Variants in GPA33 observed in about 807,000 individuals in gnomAD.
The protein encoded by GPA33 is glycoprotein A33.
A neutral mutation model predicts 35.6 loss-of-function variants in GPA33; 27 were observed. That is an observed-to-expected ratio of 0.76 (90% CI 0.56 to 1.04). GPA33 has a LOEUF of 1.04. GPA33 is among the 50% of genes least tolerant of loss of function. The pLI is 0.00. For missense variants in GPA33, 428 were observed against 411.9 expected, an observed-to-expected ratio of 1.04 and a Z score of -0.34; for synonymous variants, 176 against 164.0, an observed-to-expected ratio of 1.07 and a Z score of -0.56.
At chr1:167,063,495 G>A (rs1052485648) in intron 4 of GPA33, 87 bp downstream of exon 4, 36 of 1,236,854 alleles carry the variant, frequency 2.9e-5, no homozygotes, top group Non-Finnish European at 3.7e-5. Context: ...GGATCTGATC[G>A]GTCAACCCAA....
In GPA33 at chr1:167,063,433, G is replaced by C. The variant is rs531728997; in HGVS notation, c.571+149C>G. 4.0e-5 allele frequency: 25 copies of C among 631,972 alleles called. No individual in the cohort carries two copies. In the Admixed American group the frequency reaches 5.4e-4, roughly 14 times the overall value. The allele number at this position is 631,972 out of a possible 1,614,324, so 39.1% of individuals were successfully genotyped here. A position where few individuals can be genotyped will look rare whatever the true frequency, so the allele number is the denominator to read the frequency against. On this transcript the variant is annotated intron_variant, in intron 4 of 6. Transcript: ENST00000367868. ...TAAAAACAAGAAACCAGTGCTTAGA[G>C]AGGTGGGGATAGGGGGATAGGGATG...
At chr1:167,079,499 A>G (rs1666884397) in intron 1 of GPA33, among the ~76,000 whole-genome samples, 1 of 151,960 alleles carries the variant, frequency 6.6e-6, no homozygotes, top group Non-Finnish European at 1.5e-5. Flanking sequence ...AAAAAAAAAA[A>G]AAGAAAAAAA....
intron 1 of GPA33, among the ~76,000 whole-genome samples, chr1:167,079,144 G>A (rs1256352039): frequency 6.6e-6 from 1 of 152,104 alleles, no homozygotes; most frequent in Non-Finnish European, 1.5e-5. Context: ...TCCATTTGAT[G>A]TTATTAGACC....
At chr1:167,076,006 G>T (rs1311082017) in intron 1 of GPA33, among the ~76,000 whole-genome samples, 1 of 152,142 alleles carries the variant, frequency 6.6e-6, no homozygotes, top group Non-Finnish European at 1.5e-5. Context: ...GCAGTGGGGT[G>T]GTGGGGATGG....
intron 2 of GPA33, among the ~76,000 whole-genome samples, chr1:167,070,169 T>A (rs1203921236): frequency 1.3e-5 from 2 of 152,084 alleles, no homozygotes; most frequent in African/African-American, 4.8e-5. Flanking sequence ...TGTTGGGCAT[T>A]TCAGGCAAAA....
At chr1:167,068,844 A>G in intron 3 of GPA33, 78 bp downstream of exon 3, 1 of 1,112,790 alleles carries the variant, frequency 9.0e-7, no homozygotes, top group Non-Finnish European at 1.3e-6. Context: ...GCTTCGTCTC[A>G]ACACCTGGGC....
intron 1 of GPA33, among the ~76,000 whole-genome samples, chr1:167,077,650 T>C (rs1472116815): frequency 1.3e-5 from 2 of 152,146 alleles, no homozygotes; most frequent in African/African-American, 4.8e-5. Context: ...ACCAACCCAC[T>C]AAGTCATTCC....
chr1:167,061,627 G>A (rs1287635175), intron 4 of GPA33, among the ~76,000 whole-genome samples: 1 of 112,204 alleles, frequency 8.9e-6, no homozygotes, highest in African/African-American at 3.5e-5. Context: ...ACGGAGTCTC[G>A]CTCTGTTGCC....
Position 167,082,429 on chromosome 1 carries a change from C to T in GPA33, c.43+7816G>A, listed in dbSNP as rs138962019. 1,178 of 407,584 alleles carry T rather than the reference C, an allele frequency of 2.9e-3. 18 individuals are homozygous for T. Among genetic ancestry groups the T allele is most frequent in the African/African-American group, 0.023 (1,102 of 48,250 alleles). The allele number at this position is 407,584 out of a possible 1,614,324, so 25.2% of individuals were successfully genotyped here. A position where few individuals can be genotyped will look rare whatever the true frequency, so the allele number is the denominator to read the frequency against. ...CACCTAACACTGGAAGATGAGAAAGCTGAGACCAGAGGGGCACAGAGGATC... is the reference window on the plus strand; with the variant it reads ...CACCTAACACTGGAAGATGAGAAAGTTGAGACCAGAGGGGCACAGAGGATC... On this transcript the variant is annotated intron_variant, in intron 1 of 6. Transcript: ENST00000367868.
At chr1:167,084,826 A>T (rs886149644) in intron 1 of GPA33, among the ~76,000 whole-genome samples, 1 of 152,184 alleles carries the variant, frequency 6.6e-6, no homozygotes, top group African/African-American at 2.4e-5. Flanking sequence ...GAGGAAAATA[A>T]ATGATTATTA....
chr1:167,062,399 GT>G (rs1384034333), intron 4 of GPA33, among the ~76,000 whole-genome samples: 1 of 150,972 alleles, frequency 6.6e-6, no homozygotes, highest in Non-Finnish European at 1.5e-5. Context: ...TAAAAATTTT[GT>G]TTGGAGACAG....
At chr1:167,085,533 T>A (rs924565128) in intron 1 of GPA33, among the ~76,000 whole-genome samples, 1 of 152,140 alleles carries the variant, frequency 6.6e-6, no homozygotes, top group Non-Finnish European at 1.5e-5. Flanking sequence ...ATGAACCAAT[T>A]CTTCCCTATG....
Position 167,055,002 on chromosome 1 carries a change from G to A in GPA33, c.801C>T (p.Asn267=). ...YCCCCRGKDD[N]TEDKEDARPN... ...GCCTTGCATCCTCCTTGTCTTCAGT[G>A]TTGTCGTCCTTCCCTCGGCAGCAGC... Residue 267 remains asparagine, a synonymous_variant, in exon 6 of 7, where the codon AAC becomes AAT. Transcript: ENST00000367868. 1 of 1,614,074 alleles carries A rather than the reference G, an allele frequency of 6.2e-7. No homozygotes were observed. The highest frequency in any genetic ancestry group is 8.5e-7 in the Non-Finnish European group (1 of 1,180,034).
At chr1:167,087,510 C>A (rs1367203489) in intron 1 of GPA33, among the ~76,000 whole-genome samples, 5 of 152,160 alleles carry the variant, frequency 3.3e-5, no homozygotes, top group Admixed American at 6.5e-5. Flanking sequence ...CTGGGGTCAG[C>A]CCCCTTTGGT....
At chr1:167,055,687 T>C (rs751806340) in intron 5 of GPA33, 43 bp downstream of exon 5, 1 of 1,608,832 alleles carries the variant, frequency 6.2e-7, no homozygotes, top group Non-Finnish European at 8.5e-7. Flanking sequence ...CCACCAGTTA[T>C]CCTGTGGCGT....
chr1:167,058,727 G>A (rs115303033), intron 4 of GPA33, among the ~76,000 whole-genome samples: 40 of 150,964 alleles, frequency 2.6e-4, no homozygotes, highest in African/African-American at 9.4e-4. Flanking sequence ...TTAACATGCG[G>A]CATGGAGAAG....
chr1:167,086,256 A>G (rs1425079300), intron 1 of GPA33, among the ~76,000 whole-genome samples: 1 of 152,194 alleles, frequency 6.6e-6, no homozygotes, highest in African/African-American at 2.4e-5. Flanking sequence ...GAGCCAGGCT[A>G]ATTTAGGATT....
At chr1:167,065,662 G>C (rs997806368) in intron 3 of GPA33, among the ~76,000 whole-genome samples, 2 of 152,150 alleles carry the variant, frequency 1.3e-5, no homozygotes, top group African/African-American at 4.8e-5. Context: ...CTCCCCTCTA[G>C]CCCAGCAGCC....
chr1:167,077,206 C>CAA (rs199633456), intron 1 of GPA33, among the ~76,000 whole-genome samples: 1 of 134,898 alleles, frequency 7.4e-6, no homozygotes, highest in Non-Finnish European at 1.6e-5. Context: ...ACTCCATTTC[C>CAA]AAAAAAAAAA....
Sources: gnomAD v4.1 joint callset for allele counts (sites outside exome capture counted in the v4.1 genomes callset) on GRCh38, gnomAD v4.1.1 for gene constraint, MANE v1.5 for transcripts, NCBI Gene and HGNC (gene_info 2026-07-23, HGNC 2026-07-21) for gene names.